Variants in MYH10 observed in about 807,000 individuals in gnomAD.
MYH10 encodes the protein myosin heavy chain 10, also known as myosin-10.
A neutral mutation model predicts 257.8 loss-of-function variants in MYH10; 55 were observed. That is an observed-to-expected ratio of 0.21 (90% confidence interval 0.17 to 0.27). MYH10 has a LOEUF of 0.27. MYH10 is among the 10% of genes least tolerant of loss of function. The probability of loss-of-function intolerance (pLI) is 1.00; values close to 1 mark genes in which losing one functional copy is unlikely to be tolerated. For missense variants in MYH10, 1,631 were observed against 2,500.6 expected (o/e 0.65, Z 7.42); for synonymous variants, 854 against 921.7 (o/e 0.93, Z 1.33).
chr17:8,604,520 ATAT>A (rs1173049343), intron 3 of MYH10, among the ~76,000 whole-genome samples: 7 of 152,210 alleles, frequency 4.6e-5, no homozygotes, highest in Non-Finnish European at 1.0e-4. Context: ...TTAAAACCTA[ATAT>A]AATGAGCTTT....
rs1597606690 is a variant in MYH10 at position 8,484,406 on chromosome 17, G to A, written c.5047-140C>T. The A allele has an allele frequency of 4.2e-6, 3 of 718,916 alleles. No homozygotes were observed. The East Asian group carries it at 8.8e-5, about 21-fold the overall frequency. 44.5% of individuals were successfully genotyped at this position (718,916 alleles called of 1,614,324 possible). A position where few individuals can be genotyped will look rare whatever the true frequency, so the allele number is the denominator to read the frequency against. On this transcript the variant is annotated intron_variant, in intron 36 of 42. Coordinates refer to ENST00000360416, the MANE Select transcript of MYH10 (RefSeq NM_001256012.3). ...CCTCAAGCATTGCTCCTGATTACAA[G>A]TGTGAGCTGCGGTGCCTGGCCCCAT... is the stretch of plus-strand genomic sequence containing the variant.
At chr17:8,555,427 GT>G (rs2151970455) in intron 7 of MYH10, among the ~76,000 whole-genome samples, 1 of 152,298 alleles carries the variant, frequency 6.6e-6, no homozygotes, top group East Asian at 1.9e-4. Flanking sequence ...TGGTATTGGT[GT>G]AAAGACAGAG....
At position 8,548,236 on chromosome 17, in the gene MYH10, C is replaced by T. The variant is rs144948515; in HGVS notation, c.1159+77G>A. On this transcript the variant is annotated intron_variant, in intron 11 of 42. Transcript: ENST00000360416. Reference sequence around the variant, plus strand: ...CAGAAATGCTTCAGAGGTGCTTTTACGCTTGCACTGTAACACCTTCTTAGA... The same window carrying T: ...CAGAAATGCTTCAGAGGTGCTTTTATGCTTGCACTGTAACACCTTCTTAGA... 9.5e-4 allele frequency: 1,054 copies of T among 1,109,004 alleles called. 14 individuals are homozygous for T. In the East Asian group the frequency reaches 0.024, roughly 25 times the overall value. The allele number at this position is 1,109,004 out of a possible 1,614,324, so 68.7% of individuals were successfully genotyped here. A position where few individuals can be genotyped will look rare whatever the true frequency, so the allele number is the denominator to read the frequency against.
intron 16 of MYH10, among the ~76,000 whole-genome samples, chr17:8,532,634 G>A (rs2082035326): frequency 6.6e-6 from 1 of 152,118 alleles, no homozygotes; most frequent in African/African-American, 2.4e-5. Flanking sequence ...CCAGTATCTG[G>A]GGCTGGTGAG....
At position 8,610,271 on chromosome 17, in the gene MYH10, C is replaced by CAAAAAAAAAAAAAAAAAAAAAAAAAA. The variant is rs71361810; in HGVS notation, c.346-5290_346-5289insTTTTTTTTTTTTTTTTTTTTTTTTTT. On this transcript the variant is annotated intron_variant, in intron 2 of 42. Coordinates refer to ENST00000360416, the MANE Select transcript of MYH10 (RefSeq NM_001256012.3). ...GTTTATAGGGAGCACCATAGGATTG[C>CAAAAAAAAAAAAAAAAAAAAAAAAAA]AAAAAAAAAAAAAAAAAAAAAGGGT... Among the ~76,000 whole-genome samples the CAAAAAAAAAAAAAAAAAAAAAAAAAA allele has an allele frequency of 1.1e-4, 5 of 45,980 alleles. 1 individual carries two copies. Among genetic ancestry groups the CAAAAAAAAAAAAAAAAAAAAAAAAAA allele is most frequent in the African/African-American group, 3.0e-4 (3 of 9,866 alleles). The allele number at this position is 45,980 out of a possible 152,430, so 30.2% of individuals were successfully genotyped here.
chr17:8,577,810 G>A (rs2083554868), intron 4 of MYH10, among the ~76,000 whole-genome samples: 1 of 152,054 alleles, frequency 6.6e-6, no homozygotes, highest in African/African-American at 2.4e-5. Context: ...GGGATTACGG[G>A]CCTGAGCCAC....
At chr17:8,612,736 C>G (rs542753060) in intron 2 of MYH10, among the ~76,000 whole-genome samples, 1 of 151,836 alleles carries the variant, frequency 6.6e-6, no homozygotes, top group African/African-American at 2.4e-5. Context: ...CTGTAATCCC[C>G]GCTACTCAAG....
At chr17:8,533,171 T>C (rs1444433001) in intron 16 of MYH10, among the ~76,000 whole-genome samples, 6 of 152,166 alleles carry the variant, frequency 3.9e-5, no homozygotes, top group Non-Finnish European at 7.3e-5. Context: ...TTCACTCCAA[T>C]CTACCCAAAA....
chr17:8,480,700 A>G, intron 38 of MYH10, 175 bp from the exon 39 acceptor site: 1 of 797,386 alleles, frequency 1.3e-6, no homozygotes, highest in Admixed American at 2.1e-5. Flanking sequence ...TGACACTTCC[A>G]AACACCCTCC....
chr17:8,500,752 C>T (rs906603011), intron 29 of MYH10, 74 bp downstream of exon 29: 59 of 1,536,106 alleles, frequency 3.8e-5, no homozygotes, highest in African/African-American at 2.6e-4. Flanking sequence ...CTGAACAGAA[C>T]GGGCAGATAG....
At chr17:8,581,632 C>T (rs778947437) in intron 4 of MYH10, among the ~76,000 whole-genome samples, 11 of 151,998 alleles carry the variant, frequency 7.2e-5, no homozygotes, top group Non-Finnish European at 1.2e-4. Flanking sequence ...TGTTGAGCTC[C>T]CAAGAGGATA....
intron 4 of MYH10, among the ~76,000 whole-genome samples, chr17:8,587,185 A>G (rs1364928822): frequency 6.6e-6 from 1 of 152,198 alleles, no homozygotes; most frequent in Non-Finnish European, 1.5e-5. Flanking sequence ...AGTTGTCCGT[A>G]GACGCAGCAG....
intron 35 of MYH10, among the ~76,000 whole-genome samples, chr17:8,489,873 A>G (rs1463916960): frequency 6.6e-6 from 1 of 152,254 alleles, no homozygotes; most frequent in African/African-American, 2.4e-5. Flanking sequence ...ATACATTCAG[A>G]AAAGTATACA....
At chr17:8,510,556 A>C (rs962790766) in intron 24 of MYH10, among the ~76,000 whole-genome samples, 2 of 152,242 alleles carry the variant, frequency 1.3e-5, no homozygotes, top group African/African-American at 4.8e-5. Context: ...AACTATGAAC[A>C]TGCTACAAAA....
intron 35 of MYH10, among the ~76,000 whole-genome samples, chr17:8,489,750 A>ACACACACAC (rs1359860787): frequency 1.1e-5 from 1 of 87,698 alleles, no homozygotes; most frequent in African/African-American, 5.2e-5. Flanking sequence ...CACACACCCC[A>ACACACACAC]AATCCAAAAC....
At position 8,481,362 on chromosome 17, in the gene MYH10, C is replaced by T. The variant is rs1913768454; in HGVS notation, c.5224G>A (p.Asp1742Asn). Residue 1742 changes from aspartate (D) to asparagine (N), a missense_variant, in exon 38 of 43, where the codon GAT becomes AAT. By Grantham distance (23) the Asp-to-Asn change is conservative. This residue lies in a region of MYH10 where 343 missense variants were observed against 389.5 expected (regional missense o/e 0.88). Coordinates refer to ENST00000360416, the MANE Select transcript of MYH10 (RefSeq NM_001256012.3). ...TTGGTGATCTCGTCCGCCAGCTCAT[C>T]TCTCTCCTGCTCGGCGTGTCGGCGG... ...RARRHAEQER[D>N]ELADEITNSA... 2 of 1,614,114 alleles carry T rather than the reference C, an allele frequency of 1.2e-6. No homozygotes were observed. The highest frequency in any genetic ancestry group is 1.7e-6 in the Non-Finnish European group (2 of 1,180,020).
In MYH10 at chr17:8,498,629, C is replaced by T. The variant is rs188030540; in HGVS notation, c.3951+641G>A. Among the ~76,000 whole-genome samples the T allele has an allele frequency of 4.7e-4, 71 of 152,030 alleles. No homozygotes were observed. In the East Asian group the frequency reaches 0.013, roughly 27 times the overall value. ...TTGGGAGGCTGAGGGGGGCGGATCACGAGGTCAGGAGATTGAGACCATCCT... is the reference window on the plus strand; with the variant it reads ...TTGGGAGGCTGAGGGGGGCGGATCATGAGGTCAGGAGATTGAGACCATCCT... On this transcript the variant is annotated intron_variant, in intron 30 of 42. Transcript: ENST00000360416.
Position 8,622,893 on chromosome 17 carries a change from A to C in MYH10, c.345+9T>G. 1.2e-6 allele frequency: 2 copies of C among 1,610,328 alleles called. No homozygotes were observed. The highest frequency in any genetic ancestry group is 1.7e-6 in the Non-Finnish European group (2 of 1,178,716). ...CCACTTCACATGATTATTTGGAAGA[A>C]ATACTTACATAGATTAGTCCTGAAT... On this transcript the variant is annotated intron_variant, in intron 2 of 42. Coordinates refer to ENST00000360416, the MANE Select transcript of MYH10 (RefSeq NM_001256012.3).
At chr17:8,491,004 C>G (rs1385704221) in intron 34 of MYH10, among the ~76,000 whole-genome samples, 1 of 152,184 alleles carries the variant, frequency 6.6e-6, no homozygotes, top group African/African-American at 2.4e-5. Context: ...TGGCTTGGGC[C>G]TAAGAAGCAG....
Sources: allele counts gnomAD v4.1 joint callset (sites outside exome capture counted in the v4.1 genomes callset), GRCh38; gene constraint gnomAD v4.1.1; regional missense constraint gnomAD v4.1.1; transcripts MANE v1.5; gene names NCBI Gene and HGNC (gene_info 2026-07-23, HGNC 2026-07-21).